Variants in SH2D3A observed in about 807,000 individuals in gnomAD.
The protein encoded by SH2D3A is SH2 domain containing 3A.
SH2D3A carries 46 observed loss-of-function variants against 50.6 expected under a neutral mutation model. The observed-to-expected ratio is 0.91, with a 90% CI of 0.72 to 1.16. The LOEUF (loss-of-function observed/expected upper bound fraction) is 1.16, where lower values mean the gene tolerates loss of function less well. SH2D3A is among the 50% of genes most tolerant of loss of function. The pLI is 0.00. For synonymous variants in SH2D3A, 377 were observed against 348.4 expected (o/e 1.08, Z -0.91); for missense variants, 783 against 786.2 (o/e 1.00, Z 0.05).
intron 3 of SH2D3A, among the ~76,000 whole-genome samples, 186 bp from the exon 4 acceptor site, chr19:6,759,856 T>C (rs1462690104): frequency 6.6e-6 from 1 of 152,168 alleles, no homozygotes; most frequent in Non-Finnish European, 1.5e-5. Flanking sequence ...TAGCATCTAG[T>C]TGGATGGAGC....
At chr19:6,761,067 C>A (rs977342869) in intron 2 of SH2D3A, 80 bp from the exon 3 acceptor site, 1 of 1,130,540 alleles carries the variant, frequency 8.8e-7, no homozygotes, top group Non-Finnish European at 1.2e-6. Flanking sequence ...CCACCATTGC[C>A]CCCACCACCC....
At chr19:6,756,705 C>T (rs1969700350) in intron 4 of SH2D3A, among the ~76,000 whole-genome samples, 1 of 151,738 alleles carries the variant, frequency 6.6e-6, no homozygotes, top group Non-Finnish European at 1.5e-5. Context: ...TGAAATCATC[C>T]AACAGTGCCT....
chr19:6,766,561 A>T (rs1378717618), intron 1 of SH2D3A, among the ~76,000 whole-genome samples: 1 of 152,216 alleles, frequency 6.6e-6, no homozygotes, highest in Non-Finnish European at 1.5e-5. Flanking sequence ...AGGCAACACA[A>T]ACACAGATGT....
chr19:6,754,500 G>A (rs1969529253), intron 6 of SH2D3A, 75 bp from the exon 7 acceptor site: 3 of 1,550,810 alleles, frequency 1.9e-6, no homozygotes, highest in African/African-American at 2.7e-5. Flanking sequence ...GACAGGAGGT[G>A]GCATTGCCCC....
At chr19:6,754,221 AG>A in intron 7 of SH2D3A, 29 bp downstream of exon 7, 1 of 1,605,832 alleles carries the variant, frequency 6.2e-7, no homozygotes, top group East Asian at 2.2e-5. Context: ...CCCGCACTCC[AG>A]CTTCCTCCAG....
chr19:6,763,698 G>A lies in SH2D3A; in HGVS notation c.51C>T (p.His17=), dbSNP rs757585464. Residue 17 remains histidine (H), a synonymous_variant, in exon 2 of 10, where the codon CAC becomes CAT. Coordinates refer to ENST00000245908, the MANE Select transcript of SH2D3A (RefSeq NM_005490.3). ...GEDLAGQPWY[H]GLLSRQKAEA... ...GTGGTACCTGGCGGGACAGGAGGCC[G>A]TGGTACCAAGGTTGGCCAGCAAGGT... 2.7e-5 allele frequency: 44 copies of A among 1,612,444 alleles called. No homozygotes were observed. Among genetic ancestry groups the A allele is most frequent in the Admixed American group, 8.3e-5 (5 of 59,940 alleles).
chr19:6,762,464 C>T (rs1045607439), intron 2 of SH2D3A, among the ~76,000 whole-genome samples: 5 of 150,096 alleles, frequency 3.3e-5, no homozygotes, highest in African/African-American at 1.2e-4. Flanking sequence ...GGATTACAGG[C>T]ATGAGTCACC....
chr19:6,754,228 T>A (rs760446440), intron 7 of SH2D3A, 23 bp downstream of exon 7: 1 of 1,605,396 alleles, frequency 6.2e-7, no homozygotes, highest in Non-Finnish European at 8.5e-7. Flanking sequence ...TCCAGCTTCC[T>A]CCAGTCCCTG....
chr19:6,762,580 A>G (rs1017665128), intron 2 of SH2D3A, among the ~76,000 whole-genome samples: 5 of 130,342 alleles, frequency 3.8e-5, no homozygotes, highest in Non-Finnish European at 3.1e-5. Flanking sequence ...CTCATGGCTC[A>G]CTCACAGCCT....
In SH2D3A at chr19:6,763,740, C is replaced by T; in HGVS notation, c.9G>A (p.Val3=). MQ[V]PQDGEDLAGQ... is the part of the protein sequence containing the mutation. ...CAGCAAGGTCTTCTCCATCCTGTGG[C>T]ACCTGCATGGAGCTCTTGGGAACAG... The change falls in exon 2 of 10, where the codon GTG becomes GTA. Residue 3 remains valine, a synonymous_variant. Transcript: ENST00000245908. 6.2e-7 allele frequency: 1 copy of T among 1,612,570 alleles called. No individual in the cohort carries two copies. The highest frequency in any genetic ancestry group is 8.5e-7 in the Non-Finnish European group (1 of 1,179,590).
At chr19:6,752,789 C>T in intron 9 of SH2D3A, 36 bp from the exon 10 acceptor site, 4 of 1,485,532 alleles carry the variant, frequency 2.7e-6, no homozygotes, top group Non-Finnish European at 3.6e-6. Context: ...GGGCGGGGCC[C>T]AGGCGCCCGC....
chr19:6,765,582 T>C (rs1302181810), intron 1 of SH2D3A, among the ~76,000 whole-genome samples: 1 of 151,784 alleles, frequency 6.6e-6, no homozygotes, highest in African/African-American at 2.4e-5. Context: ...ACCCCGTCTC[T>C]ACTAAAAATA....
rs748657750 is a variant in SH2D3A, at chr19:6,754,941, C to T, written c.871G>A (p.Gly291Ser). 4.3e-6 allele frequency: 7 copies of T among 1,613,556 alleles called. No individual in the cohort carries two copies. In the East Asian group the frequency reaches 1.1e-4, roughly 26 times the overall value. Residue 291 changes from glycine (G) to serine (S), a missense_variant, in exon 5 of 10, where the codon GGC (glycine) becomes AGC (serine). By Grantham distance (56) the Gly-to-Ser change is moderately conservative. Transcript: ENST00000245908. ...CPHDAPSCLLGPQNRPLEPQV... is the reference protein window; with the variant it reads ...CPHDAPSCLLSPQNRPLEPQV... Reference sequence around the variant, plus strand: ...GGTTCCAGGGGCCGATTCTGGGGGCCCAGCAGGCAGGAGGGGGCATCATGG... The same window carrying T: ...GGTTCCAGGGGCCGATTCTGGGGGCTCAGCAGGCAGGAGGGGGCATCATGG...
At chr19:6,763,534 C>A in intron 2 of SH2D3A, 146 bp downstream of exon 2, 1 of 560,838 alleles carries the variant, frequency 1.8e-6, no homozygotes, top group Non-Finnish European at 3.1e-6. Flanking sequence ...CCCCAGCCAG[C>A]CAACCTTCAA....
intron 1 of SH2D3A, 92 bp from the exon 2 acceptor site, chr19:6,763,908 T>C (rs1478670464): frequency 2.4e-4 from 38 of 160,928 alleles, no homozygotes; most frequent in African/African-American, 1.7e-3. Flanking sequence ...ATCAAATCTT[T>C]TTTTTTTTTT....
At chr19:6,765,697 G>A (rs1220119316) in intron 1 of SH2D3A, among the ~76,000 whole-genome samples, 1 of 140,986 alleles carries the variant, frequency 7.1e-6, no homozygotes, top group Non-Finnish European at 1.5e-5. Flanking sequence ...GCAGTGAACC[G>A]AGATCACACC....
intron 8 of SH2D3A, 40 bp from the exon 9 acceptor site, chr19:6,753,681 G>A (rs773139540): frequency 6.0e-6 from 9 of 1,495,082 alleles, no homozygotes; most frequent in South Asian, 1.3e-5. Flanking sequence ...TGGGGCTGTA[G>A]ATGGGGCATA....
chr19:6,763,051 GATTT>G (rs1970116253), intron 2 of SH2D3A, among the ~76,000 whole-genome samples: 3 of 151,888 alleles, frequency 2.0e-5, no homozygotes, highest in African/African-American at 7.3e-5. Flanking sequence ...GGGAGCCTCA[GATTT>G]ATTTGTTTGT....
chr19:6,763,450 A>C (rs374705254), intron 2 of SH2D3A, among the ~76,000 whole-genome samples: 3 of 152,274 alleles, frequency 2.0e-5, no homozygotes, highest in Admixed American at 2.0e-4. Flanking sequence ...GTTTGGGGGC[A>C]TTAGGACTCT....
Sources: gnomAD v4.1 joint callset for allele counts (sites outside exome capture counted in the v4.1 genomes callset) on GRCh38, gnomAD v4.1.1 for gene constraint, MANE v1.5 for transcripts, NCBI Gene and HGNC (gene_info 2026-07-23, HGNC 2026-07-21) for gene names.